The following MAP4 variants were observed in gnomAD, a reference collection of about 807,000 sequenced individuals.
MAP4 encodes the protein microtubule-associated protein 4.
A neutral mutation model predicts 170.2 loss-of-function variants in MAP4; 76 were observed. The observed-to-expected ratio is 0.45, with a 90% confidence interval of 0.37 to 0.54. MAP4 has a LOEUF of 0.54. Ranked by LOEUF, MAP4 falls within the 20% of genes least tolerant of loss-of-function variation. The probability of loss-of-function intolerance (pLI) is 0.00; values close to 1 mark genes in which losing one functional copy is unlikely to be tolerated. For missense variants in MAP4, 2,506 were observed against 2,748.0 expected (o/e 0.91, Z 1.97); for synonymous variants, 909 against 994.5 (o/e 0.91, Z 1.62).
intron 10 of MAP4, chr3:47,891,213 T>G: frequency 6.5e-7 from 1 of 1,536,234 alleles, no homozygotes; most frequent in Non-Finnish European, 8.7e-7. Flanking sequence ...CCTTCAGGAA[T>G]CTGCTCCAGC....
intron 8 of MAP4, among the ~76,000 whole-genome samples, chr3:47,913,791 T>C (rs1190234030): frequency 6.6e-6 from 1 of 152,176 alleles, no homozygotes; most frequent in African/African-American, 2.4e-5. Flanking sequence ...CATGGGCCCT[T>C]ATGTCCCATA....
chr3:47,916,950 G>GC lies in MAP4; in HGVS notation c.876dup (p.Gln293AlafsTer26), dbSNP rs1287148321. Reference sequence around the variant, plus strand: ...GCCATATCTGATTCCATGGATGGCTGCATGTCCTTGGCCAGTGTCACATCT... The same window carrying GC: ...GCCATATCTGATTCCATGGATGGCTGCCATGTCCTTGGCCAGTGTCACATCT... On this transcript the variant is annotated frameshift_variant, in exon 7 of 21. Transcript: ENST00000683076. LOFTEE classifies it high-confidence loss of function. 1 of 1,614,034 alleles carries GC rather than the reference G, an allele frequency of 6.2e-7. No individual in the cohort carries two copies. The highest frequency in any genetic ancestry group is 8.5e-7 in the Non-Finnish European group (1 of 1,180,022).
intron 9 of MAP4, among the ~76,000 whole-genome samples, chr3:47,907,977 C>T (rs2100034023): frequency 6.6e-6 from 1 of 152,126 alleles, no homozygotes; most frequent in Non-Finnish European, 1.5e-5. Flanking sequence ...AGAACAAGTC[C>T]ATACCATGCA....
At chr3:47,991,557 G>A (rs2100092242) in intron 2 of MAP4, among the ~76,000 whole-genome samples, 1 of 152,186 alleles carries the variant, frequency 6.6e-6, no homozygotes, top group Admixed American at 6.5e-5. Flanking sequence ...AGCTATTCAG[G>A]AGCCTGAGGC....
chr3:47,872,111 G>C lies in MAP4; in HGVS notation c.5758-11C>G. ...TGCATCTGCAATGGGCTGGAAATAG[G>C]AAAGTGGGAATGAGGCCTGCAGGTC... On this transcript the variant is annotated splice_polypyrimidine_tract_variant and intron_variant, in intron 12 of 20. Coordinates refer to ENST00000683076, the MANE Select transcript of MAP4 (RefSeq NM_001385682.1). The C allele has an allele frequency of 6.2e-7, 1 of 1,600,508 alleles. No homozygotes were observed. Among genetic ancestry groups the C allele is most frequent in the Non-Finnish European group, 8.5e-7 (1 of 1,171,498 alleles).
chr3:48,039,455 G>A (rs1456149232), intron 1 of MAP4: 1 of 153,520 alleles, frequency 6.5e-6, no homozygotes, highest in Non-Finnish European at 1.5e-5. Context: ...CAGCCTACAG[G>A]AAGGCTCTCC....
chr3:48,085,461 T>C (rs896076434), intron 1 of MAP4, among the ~76,000 whole-genome samples: 4 of 152,232 alleles, frequency 2.6e-5, no homozygotes, highest in Admixed American at 2.6e-4. Context: ...AATGTATTTG[T>C]AAATTTGAAA....
chr3:47,898,759 C>T (rs2100028411), intron 10 of MAP4, among the ~76,000 whole-genome samples: 1 of 152,074 alleles, frequency 6.6e-6, no homozygotes, highest in Admixed American at 6.6e-5. Context: ...GCCTGGGCAA[C>T]ATAGCAGGAC....
At chr3:48,017,609 C>T (rs779090864), upstream of MAP4, among the ~76,000 whole-genome samples, 4 of 151,638 alleles carry the variant, frequency 2.6e-5, no homozygotes, top group Non-Finnish European at 4.4e-5. Flanking sequence ...ACAATTTAGT[C>T]ACATGGGACC....
At chr3:47,924,102 G>A (rs1241708272) in intron 4 of MAP4, among the ~76,000 whole-genome samples, 1 of 151,976 alleles carries the variant, frequency 6.6e-6, no homozygotes, top group Non-Finnish European at 1.5e-5. Context: ...TTTTTTACTG[G>A]GTGCCTACCA....
intron 19 of MAP4, 122 bp from the exon 20 acceptor site, chr3:47,853,474 G>A (rs1219323149): frequency 1.4e-6 from 1 of 723,180 alleles, no homozygotes; most frequent in African/African-American, 1.8e-5. Flanking sequence ...ACTGGCTCAA[G>A]GCACAGTCGC....
chr3:47,973,880 GT>G (rs2100080322), intron 3 of MAP4: 1 of 985,100 alleles, frequency 1.0e-6, no homozygotes, highest in Non-Finnish European at 1.2e-6. Context: ...TGGCAAGAGA[GT>G]TTTAATATTT....
chr3:48,060,931 G>A (rs576994032), intron 1 of MAP4, among the ~76,000 whole-genome samples: 5 of 151,838 alleles, frequency 3.3e-5, no homozygotes, highest in South Asian at 4.2e-4. Flanking sequence ...TGCAAGCTCC[G>A]TCTCCCAAGT....
intron 4 of MAP4, among the ~76,000 whole-genome samples, chr3:47,922,960 A>G (rs965059773): frequency 1.3e-5 from 2 of 152,018 alleles, no homozygotes; most frequent in South Asian, 4.1e-4. Context: ...TGAGGCAGGA[A>G]AATCGCTTGA....
chr3:47,977,182 A>G (rs2100082640), intron 3 of MAP4, among the ~76,000 whole-genome samples: 3 of 152,228 alleles, frequency 2.0e-5, no homozygotes, highest in Non-Finnish European at 4.4e-5. Context: ...TGAAAATAAA[A>G]CACGCAACTC....
chr3:47,967,486 T>C (rs1262855895), intron 3 of MAP4, among the ~76,000 whole-genome samples: 1 of 152,086 alleles, frequency 6.6e-6, no homozygotes, highest in Non-Finnish European at 1.5e-5. Context: ...ATGCTGTTTC[T>C]ACTGAAAATA....
intron 1 of MAP4, among the ~76,000 whole-genome samples, chr3:48,045,173 G>A (rs969506245): frequency 2.7e-5 from 4 of 148,524 alleles, no homozygotes; most frequent in African/African-American, 7.5e-5. Context: ...CAGGAGAATC[G>A]CTTGAACCCA....
intron 1 of MAP4, among the ~76,000 whole-genome samples, chr3:48,004,082 C>CAT (rs2154398239): frequency 6.6e-6 from 1 of 152,208 alleles, no homozygotes; most frequent in South Asian, 2.1e-4. Context: ...TATAAACATA[C>CAT]ATATATATCC....
chr3:47,991,355 C>A (rs1164373274), intron 2 of MAP4, among the ~76,000 whole-genome samples: 1 of 152,146 alleles, frequency 6.6e-6, no homozygotes, highest in Admixed American at 6.6e-5. Flanking sequence ...GTTGGCCTAA[C>A]TAAGCCTGTT....
Sources: gnomAD v4.1 joint callset for allele counts (sites outside exome capture counted in the v4.1 genomes callset) on GRCh38, gnomAD v4.1.1 for gene constraint, MANE v1.5 for transcripts, NCBI Gene and HGNC (gene_info 2026-07-23, HGNC 2026-07-21) for gene names.